The following FAM107B variants were observed in gnomAD, a reference collection of about 807,000 sequenced individuals.
FAM107B encodes protein FAM107B.
Under a neutral mutation model 31.5 loss-of-function variants are expected in FAM107B, and 21 were observed. The ratio of observed to expected loss-of-function variants is 0.67; its 90% CI spans 0.47 to 0.96. FAM107B has a LOEUF of 0.96. FAM107B is among the 40% of genes least tolerant of loss of function. The pLI is 0.00. For missense variants in FAM107B, 452 were observed against 377.1 expected (o/e 1.20, Z -1.64); for synonymous variants, 157 against 141.5 (o/e 1.11, Z -0.78).
chr10:14,603,932 C>A (rs1170016691), intron 2 of FAM107B, among the ~76,000 whole-genome samples: 1 of 150,252 alleles, frequency 6.7e-6, no homozygotes, highest in African/African-American at 2.4e-5. Context: ...TCCCCCGCGG[C>A]AGCGCCGAGA....
chr10:14,572,493 G>C (rs1270845725), intron 2 of FAM107B: 9 of 756,994 alleles, frequency 1.2e-5, no homozygotes, highest in Non-Finnish European at 1.4e-5. Flanking sequence ...GCCCTCCTGA[G>C]GCTGGGATTC....
chr10:14,670,589 C>T (rs923666685), intron 1 of FAM107B, among the ~76,000 whole-genome samples: 2 of 152,178 alleles, frequency 1.3e-5, no homozygotes, highest in African/African-American at 4.8e-5. Flanking sequence ...GATGAAAAGA[C>T]TCTCCCCTTT....
intron 1 of FAM107B, among the ~76,000 whole-genome samples, chr10:14,759,444 C>A (rs1170971515): frequency 6.6e-6 from 1 of 152,170 alleles, no homozygotes; most frequent in Admixed American, 6.5e-5. Context: ...GGTGCCCTCT[C>A]CTGGGCTGCC....
At chr10:14,544,879 G>A (rs1027389345) in intron 2 of FAM107B, among the ~76,000 whole-genome samples, 1 of 152,172 alleles carries the variant, frequency 6.6e-6, no homozygotes, top group African/African-American at 2.4e-5. Flanking sequence ...CAAACAGTAT[G>A]CCCTTTACTT....
At chr10:14,612,240 T>G (rs1436819962) in intron 2 of FAM107B, among the ~76,000 whole-genome samples, 1 of 152,246 alleles carries the variant, frequency 6.6e-6, no homozygotes, top group Non-Finnish European at 1.5e-5. Flanking sequence ...GCTGTTCAAG[T>G]AATAACATTC....
chr10:14,628,112 G>GTTTTTTTTTTTTTTTTTTTTTTT lies in FAM107B; in HGVS notation c.469+39521_469+39522insAAAAAAAAAAAAAAAAAAAAAAA, dbSNP rs71505033. On this transcript the variant is annotated intron_variant, in intron 2 of 4. Coordinates refer to ENST00000181796, the MANE Select transcript of FAM107B (RefSeq NM_031453.4). The stretch of plus-strand genomic sequence containing the variant: ...TCCTTGTTTGTTTTTTGTTTTGCTG[G>GTTTTTTTTTTTTTTTTTTTTTTT]TTTTTTTTTTTTTTTTTTTTTGAGA... Among the ~76,000 whole-genome samples, 87 of 92,688 alleles carry GTTTTTTTTTTTTTTTTTTTTTTT rather than the reference G, an allele frequency of 9.4e-4. 3 individuals are homozygous for GTTTTTTTTTTTTTTTTTTTTTTT. Among genetic ancestry groups the GTTTTTTTTTTTTTTTTTTTTTTT allele is most frequent in the Non-Finnish European group, 1.5e-3 (71 of 47,172 alleles). The allele number at this position is 92,688 out of a possible 152,430, so 60.8% of individuals were successfully genotyped here.
intron 2 of FAM107B, among the ~76,000 whole-genome samples, chr10:14,608,222 T>C (rs1481363607): frequency 1.3e-5 from 2 of 152,244 alleles, no homozygotes; most frequent in South Asian, 2.1e-4. Flanking sequence ...ATGTATACTC[T>C]TTTGTATCTT....
intron 2 of FAM107B, among the ~76,000 whole-genome samples, chr10:14,632,816 G>A (rs1233043739): frequency 3.3e-5 from 5 of 152,118 alleles, no homozygotes; most frequent in Non-Finnish European, 2.9e-5. Context: ...TACAGAGACA[G>A]GGGGTACAGG....
At chr10:14,744,367 A>G (rs1832684124) in intron 1 of FAM107B, among the ~76,000 whole-genome samples, 1 of 152,190 alleles carries the variant, frequency 6.6e-6, no homozygotes, top group South Asian at 2.1e-4. Flanking sequence ...TGCCCTGACC[A>G]GAACTTCCAA....
chr10:14,547,409 C>A (rs1175908307), intron 2 of FAM107B, among the ~76,000 whole-genome samples: 1 of 152,102 alleles, frequency 6.6e-6, no homozygotes, highest in East Asian at 1.9e-4. Flanking sequence ...CGTATATTGG[C>A]CAAATTGTGG....
Position 14,666,106 on chromosome 10 carries a change from G to A in FAM107B, c.469+1528C>T, listed in dbSNP as rs137890116. On this transcript the variant is annotated intron_variant, in intron 2 of 4. Coordinates refer to ENST00000181796, the MANE Select transcript of FAM107B (RefSeq NM_031453.4). ...GCTAGGGATGCCATTAAACAAGACTGGTAATGTCCCTGCTCTCTAAGAGAC... is the reference window on the plus strand; with the variant it reads ...GCTAGGGATGCCATTAAACAAGACTAGTAATGTCCCTGCTCTCTAAGAGAC... 5.0e-3 allele frequency among the ~76,000 whole-genome samples: 759 copies of A among 152,228 alleles called. 4 individuals carry two copies. Among genetic ancestry groups the A allele is most frequent in the African/African-American group, 0.016 (680 of 41,524 alleles).
At chr10:14,559,811 C>T (rs1850080807) in intron 2 of FAM107B, among the ~76,000 whole-genome samples, 2 of 151,746 alleles carry the variant, frequency 1.3e-5, no homozygotes, top group Admixed American at 6.6e-5. Context: ...CCTCGTGATC[C>T]GCCCGTCTTG....
intron 2 of FAM107B, among the ~76,000 whole-genome samples, chr10:14,623,060 T>C (rs1853058596): frequency 6.6e-6 from 1 of 152,204 alleles, no homozygotes; most frequent in Non-Finnish European, 1.5e-5. Context: ...CCACACCTAA[T>C]TTGACAGCAT....
At chr10:14,759,181 A>AAAATAAATAAATAAATAAAT (rs60547324) in intron 1 of FAM107B, among the ~76,000 whole-genome samples, 8 of 144,886 alleles carry the variant, frequency 5.5e-5, no homozygotes, top group African/African-American at 2.1e-4. Flanking sequence ...TCTGTCTCAA[A>AAAATAAATAAATAAATAAAT]AAATAAATAA....
intron 1 of FAM107B, among the ~76,000 whole-genome samples, chr10:14,767,321 A>T (rs1564296052): frequency 6.6e-6 from 1 of 151,442 alleles, no homozygotes; most frequent in African/African-American, 2.4e-5. Context: ...CGAACTCCTG[A>T]CCTCATATGA....
chr10:14,594,516 AAC>A (rs1554838278), intron 2 of FAM107B, among the ~76,000 whole-genome samples: 349 of 136,318 alleles, frequency 2.6e-3, no homozygotes, highest in African/African-American at 9.8e-3. Context: ...AAAAAAAAAA[AAC>A]AAAAAAAAAC....
intron 2 of FAM107B, among the ~76,000 whole-genome samples, chr10:14,599,885 A>G (rs1281001469): frequency 6.6e-6 from 1 of 151,650 alleles, no homozygotes; most frequent in African/African-American, 2.4e-5. Context: ...TTTCCATCAC[A>G]TACATCTCAT....
intron 2 of FAM107B, among the ~76,000 whole-genome samples, chr10:14,563,091 A>C (rs1406857138): frequency 6.6e-6 from 1 of 152,252 alleles, no homozygotes; most frequent in Non-Finnish European, 1.5e-5. Context: ...AGCCACAGAA[A>C]GGTTACGATA....
At chr10:14,711,993 A>G (rs1855659589) in intron 1 of FAM107B, among the ~76,000 whole-genome samples, 1 of 152,244 alleles carries the variant, frequency 6.6e-6, no homozygotes, top group East Asian at 1.9e-4. Flanking sequence ...ATGAGTGTGC[A>G]GTGCTACATG....
Sources: allele counts gnomAD v4.1 joint callset (sites outside exome capture counted in the v4.1 genomes callset), GRCh38; gene constraint gnomAD v4.1.1; transcripts MANE v1.5; gene names NCBI Gene and HGNC (gene_info 2026-07-23, HGNC 2026-07-21).